ZSCAN25: variants seen among roughly 807,000 people sequenced by gnomAD.
ZSCAN25 encodes zinc finger and SCAN domain-containing protein 25.
A neutral mutation model predicts 38.7 loss-of-function variants in ZSCAN25; 27 were observed. The ratio of observed to expected loss-of-function variants is 0.70; its 90% CI spans 0.51 to 0.96. The LOEUF (loss-of-function observed/expected upper bound fraction) is 0.96, where lower values mean the gene tolerates loss of function less well. Among genes scored for constraint, ZSCAN25 ranks in the 40% least tolerant of loss-of-function variants. The pLI is 0.00. For missense variants in ZSCAN25, 637 were observed against 705.9 expected (o/e 0.90, Z 1.11); for synonymous variants, 273 against 277.7 (o/e 0.98, Z 0.17).
At chr7:99,633,802 T>C (rs190689818), downstream of ZSCAN25, among the ~76,000 whole-genome samples, 1 of 152,354 alleles carries the variant, frequency 6.6e-6, no homozygotes, top group East Asian at 1.9e-4. Context: ...TCAAATTATT[T>C]CACCTTTGAC....
At chr7:99,715,960 C>A in the ZSCAN25 span, 26 of 1,611,992 alleles carry the variant, frequency 1.6e-5, 2 homozygotes, top group South Asian at 1.6e-4. Flanking sequence ...ACCATCCTTC[C>A]TCTATGCGTG....
chr7:99,632,324 TTTA>T lies in ZSCAN25; in HGVS notation c.*2306_*2308del. ...TATTTTTCTATTCTTTAGAAATTTT[TTTA>T]TAATAGATAATTTCAAACCTATATA... is the stretch of plus-strand genomic sequence containing the variant. On this transcript the variant is annotated 3_prime_UTR_variant, in exon 8 of 8. Coordinates refer to ENST00000394152, the MANE Select transcript of ZSCAN25 (RefSeq NM_145115.3). 2 of 844,106 alleles carry T rather than the reference TTTA, an allele frequency of 2.4e-6. No individual in the cohort carries two copies. The highest frequency in any genetic ancestry group is 3.7e-5 in the African/African-American group (2 of 53,866). 52.3% of individuals were successfully genotyped at this position (844,106 alleles called of 1,614,324 possible).
chr7:99,663,899 C>T, the ZSCAN25 span: 1 of 1,512,618 alleles, frequency 6.6e-7, no homozygotes. Flanking sequence ...GATACATGCT[C>T]TATCATGTGT....
the ZSCAN25 span, among the ~76,000 whole-genome samples, chr7:99,673,210 C>A: frequency 1.3e-5 from 2 of 152,186 alleles, no homozygotes; most frequent in African/African-American, 4.8e-5. Context: ...GCCATGCCAG[C>A]TCCACAGCAC....
At chr7:99,649,592 T>G in the ZSCAN25 span, among the ~76,000 whole-genome samples, 1 of 152,174 alleles carries the variant, frequency 6.6e-6, no homozygotes, top group Admixed American at 6.5e-5. Context: ...TGACAGAACC[T>G]AGTCACGCTC....
chr7:99,672,677 G>A, the ZSCAN25 span: 11 of 1,614,018 alleles, frequency 6.8e-6, no homozygotes, highest in South Asian at 4.4e-5. Flanking sequence ...ACCTTCATAC[G>A]TTCTGTGTGG....
At chr7:99,672,480 A>C in the ZSCAN25 span, 1 of 1,043,094 alleles carries the variant, frequency 9.6e-7, no homozygotes, top group Non-Finnish European at 1.5e-6. Flanking sequence ...ACCTTCCTGT[A>C]CATTTTTTAG....
chr7:99,702,060 A>C, the ZSCAN25 span, among the ~76,000 whole-genome samples: 8 of 148,466 alleles, frequency 5.4e-5, no homozygotes, highest in Non-Finnish European at 8.9e-5. Flanking sequence ...TTCCTGTAGC[A>C]GTTTCATCAT....
the ZSCAN25 span, chr7:99,652,416 T>A: frequency 3.3e-6 from 2 of 608,258 alleles, no homozygotes; most frequent in Non-Finnish European, 2.8e-6. Flanking sequence ...AGTTTGATAA[T>A]TATCACTTTT....
the ZSCAN25 span, chr7:99,665,137 AAG>A: frequency 3.9e-6 from 6 of 1,536,482 alleles, no homozygotes; most frequent in South Asian, 2.4e-5. Flanking sequence ...TATTTTTAAA[AAG>A]AGAGAAAGAA....
the ZSCAN25 span, among the ~76,000 whole-genome samples, chr7:99,698,396 C>G: frequency 6.6e-6 from 1 of 152,188 alleles, no homozygotes; most frequent in Non-Finnish European, 1.5e-5. Context: ...CCATGAATAT[C>G]TCTTTGGAGT....
the ZSCAN25 span, among the ~76,000 whole-genome samples, chr7:99,729,998 C>G: frequency 1.3e-5 from 2 of 152,158 alleles, no homozygotes; most frequent in Non-Finnish European, 2.9e-5. Flanking sequence ...AATTAGACAA[C>G]AAAGCCCTCA....
At chr7:99,710,876 C>T in the ZSCAN25 span, 1 of 1,613,700 alleles carries the variant, frequency 6.2e-7, no homozygotes, top group Non-Finnish European at 8.5e-7. Context: ...GGGCCATGAG[C>T]TCCAGATCAG....
chr7:99,677,618 A>G, the ZSCAN25 span, among the ~76,000 whole-genome samples: 1 of 152,192 alleles, frequency 6.6e-6, no homozygotes, highest in Non-Finnish European at 1.5e-5. Context: ...AAAACTGAGA[A>G]ATTACATGAA....
chr7:99,732,431 G>C, the ZSCAN25 span, among the ~76,000 whole-genome samples: 3 of 152,090 alleles, frequency 2.0e-5, no homozygotes, highest in South Asian at 6.2e-4. Context: ...AATACAGCCA[G>C]ACATGCTCAT....
the ZSCAN25 span, among the ~76,000 whole-genome samples, chr7:99,736,331 G>A: frequency 1.3e-5 from 2 of 152,178 alleles, no homozygotes; most frequent in South Asian, 4.1e-4. Context: ...ACTCCAATGA[G>A]GTGGTCCCAG....
At chr7:99,619,360 C>T (rs1806732016) in intron 3 of ZSCAN25, among the ~76,000 whole-genome samples, 1 of 152,184 alleles carries the variant, frequency 6.6e-6, no homozygotes, top group South Asian at 2.1e-4. Context: ...AAATCTTAGA[C>T]ATTTTCTGTT....
At chr7:99,623,255 C>A (rs1807156725) in intron 6 of ZSCAN25, among the ~76,000 whole-genome samples, 1 of 152,188 alleles carries the variant, frequency 6.6e-6, no homozygotes, top group Non-Finnish European at 1.5e-5. Context: ...TGTCCCCTAA[C>A]CTCAGCAGGA....
At chr7:99,680,051 T>C in the ZSCAN25 span, 4 of 668,966 alleles carry the variant, frequency 6.0e-6, no homozygotes, top group East Asian at 1.1e-4. Flanking sequence ...GGCAGGGCTA[T>C]AGCTGCAGCC....
Sources: allele counts gnomAD v4.1 joint callset (sites outside exome capture counted in the v4.1 genomes callset), GRCh38; gene constraint gnomAD v4.1.1; transcripts MANE v1.5; gene names NCBI Gene and HGNC (gene_info 2026-07-23, HGNC 2026-07-21).